Variants in LRGUK observed in about 807,000 individuals in gnomAD.
The protein encoded by LRGUK is leucine rich repeats and guanylate kinase domain containing, also known as leucine-rich repeat and guanylate kinase domain-containing protein.
LRGUK carries 65 observed loss-of-function variants against 76.0 expected under a neutral mutation model. The observed-to-expected ratio is 0.85, with a 90% CI of 0.70 to 1.05. LRGUK has a LOEUF of 1.05. Ranked by LOEUF, LRGUK falls within the 50% of genes least tolerant of loss-of-function variation. The pLI, the probability that LRGUK is intolerant of heterozygous loss-of-function variation, is 0.00. For synonymous variants in LRGUK, 268 were observed against 265.6 expected, an observed-to-expected ratio of 1.01 and a Z score of -0.09; for missense variants, 758 against 732.8, an observed-to-expected ratio of 1.03 and a Z score of -0.40.
At chr7:134,156,872 G>C (rs545677251) in intron 5 of LRGUK, among the ~76,000 whole-genome samples, 2 of 152,172 alleles carry the variant, frequency 1.3e-5, no homozygotes, top group African/African-American at 4.8e-5. Flanking sequence ...TCATTAAAGA[G>C]ATATTTTAAG....
intron 13 of LRGUK, 126 bp downstream of exon 13, chr7:134,197,231 G>A (rs771367129): frequency 1.7e-6 from 1 of 594,242 alleles, no homozygotes; most frequent in African/African-American, 1.9e-5. Flanking sequence ...GTACATATAT[G>A]GGGTACATGC....
chr7:134,259,618 C>A (rs1483380352), intron 19 of LRGUK, among the ~76,000 whole-genome samples: 1 of 152,064 alleles, frequency 6.6e-6, no homozygotes, highest in Non-Finnish European at 1.5e-5. Context: ...GGGTGGACTC[C>A]CCTTCACTGC....
exon 15 of LRGUK, chr7:134,201,488 G>C: frequency 6.2e-7 from 1 of 1,613,416 alleles, no homozygotes; most frequent in Non-Finnish European, 8.5e-7. Flanking sequence ...CAGATGATCT[G>C]GATGTTGCCT....
exon 16 of LRGUK, chr7:134,209,869 C>A: frequency 2.5e-6 from 1 of 399,314 alleles, no homozygotes. Context: ...TCCTCAGTCC[C>A]GCCCAGGAGG....
intron 16 of LRGUK, among the ~76,000 whole-genome samples, chr7:134,223,136 C>A (rs1563190538): frequency 6.6e-6 from 1 of 152,176 alleles, no homozygotes; most frequent in Non-Finnish European, 1.5e-5. Context: ...GTAGCCCTCC[C>A]TCTCCTGGCT....
chr7:134,139,671 A>T (rs946853814), intron 3 of LRGUK, among the ~76,000 whole-genome samples, 154 bp downstream of exon 3: 4 of 152,222 alleles, frequency 2.6e-5, no homozygotes. Flanking sequence ...AAAGGCACCG[A>T]TAACTGCTGA....
intron 13 of LRGUK, 27 bp from the exon 14 acceptor site, chr7:134,199,193 A>G: frequency 6.3e-7 from 1 of 1,596,614 alleles, no homozygotes; most frequent in Non-Finnish European, 8.6e-7. Context: ...TCTGTTTCCA[A>G]TTTATTATCT....
Position 134,178,501 on chromosome 7 carries a change from A to G in LRGUK, c.1108-2A>G. On this transcript the variant is annotated splice_acceptor_variant, in intron 9 of 15. Coordinates refer to ENST00000645682, the Ensembl canonical transcript of LRGUK. LOFTEE classifies it high-confidence loss of function. ...CCTTTTACATCTCTAATTCTGGAAA[A>G]GGTTTCAGCAGTGAATAAATATGAT... is the stretch of plus-strand genomic sequence containing the variant. The G allele has an allele frequency of 6.3e-7, 1 of 1,596,880 alleles. No individual in the cohort carries two copies. Among genetic ancestry groups the G allele is most frequent in the Non-Finnish European group, 8.5e-7 (1 of 1,173,426 alleles).
intron 11 of LRGUK, among the ~76,000 whole-genome samples, chr7:134,188,317 C>G (rs1034716413): frequency 3.3e-5 from 5 of 152,044 alleles, no homozygotes; most frequent in Non-Finnish European, 7.4e-5. Flanking sequence ...TATGGCTCAG[C>G]TTGAACTATC....
intron 1 of LRGUK, among the ~76,000 whole-genome samples, chr7:134,132,911 A>T (rs944060463): frequency 2.0e-5 from 3 of 152,158 alleles, no homozygotes; most frequent in Non-Finnish European, 2.9e-5. Context: ...AGTGGAGAAG[A>T]CGGCAAAGGA....
intron 7 of LRGUK, among the ~76,000 whole-genome samples, chr7:134,168,656 C>T (rs1284094559): frequency 1.3e-5 from 2 of 152,066 alleles, no homozygotes; most frequent in Non-Finnish European, 2.9e-5. Context: ...AGAGTTATTT[C>T]TGAGGAAGAA....
At chr7:134,206,265 C>G (rs2117108998) in intron 15 of LRGUK, among the ~76,000 whole-genome samples, 1 of 152,190 alleles carries the variant, frequency 6.6e-6, no homozygotes, top group East Asian at 1.9e-4. Context: ...GCCTGTAATC[C>G]CAGCACTTTG....
intron 6 of LRGUK, among the ~76,000 whole-genome samples, 183 bp downstream of exon 6, chr7:134,158,342 G>C (rs552652017): frequency 8.5e-5 from 13 of 152,240 alleles, no homozygotes; most frequent in African/African-American, 3.1e-4. Context: ...GTGAGAGAGA[G>C]AGAGAAAGAA....
At chr7:134,237,305 G>A (rs1233506545) in intron 16 of LRGUK, among the ~76,000 whole-genome samples, 1 of 151,960 alleles carries the variant, frequency 6.6e-6, no homozygotes, top group Non-Finnish European at 1.5e-5. Flanking sequence ...CGCCTGCCTG[G>A]GCCTCCCAAA....
intron 15 of LRGUK, among the ~76,000 whole-genome samples, chr7:134,219,275 G>A (rs982122565): frequency 6.6e-6 from 1 of 152,048 alleles, no homozygotes; most frequent in Non-Finnish European, 1.5e-5. Flanking sequence ...TCGTTAAAGC[G>A]GCAGTATTAC....
chr7:134,202,597 G>T (rs945604959), intron 15 of LRGUK, among the ~76,000 whole-genome samples: 1 of 152,150 alleles, frequency 6.6e-6, no homozygotes, highest in African/African-American at 2.4e-5. Flanking sequence ...CCATAAAATA[G>T]AATTTTATTT....
At chr7:134,165,011 T>C (rs1261442803) in intron 7 of LRGUK, among the ~76,000 whole-genome samples, 1 of 152,232 alleles carries the variant, frequency 6.6e-6, no homozygotes, top group Non-Finnish European at 1.5e-5. Context: ...CATTTGCCAT[T>C]GAAGACTGAT....
chr7:134,163,110 T>G (rs568692198), intron 6 of LRGUK, among the ~76,000 whole-genome samples: 159 of 152,354 alleles, frequency 1.0e-3, no homozygotes, highest in Non-Finnish European at 1.8e-3. Context: ...GTTAAAACCT[T>G]ATATTACCTG....
chr7:134,183,758 T>G, exon 11 of LRGUK: 2 of 1,614,000 alleles, frequency 1.2e-6, no homozygotes, highest in Non-Finnish European at 1.7e-6. Flanking sequence ...TGGATGCCCC[T>G]TATCCCATGC....
Sources: gnomAD v4.1 joint callset for allele counts (sites outside exome capture counted in the v4.1 genomes callset) on GRCh38, gnomAD v4.1.1 for gene constraint, MANE v1.5 for transcripts, NCBI Gene and HGNC (gene_info 2026-07-23, HGNC 2026-07-21) for gene names.